Variants in COL2A1 observed in about 807,000 individuals in gnomAD.
COL2A1 encodes collagen alpha-1(II) chain.
A neutral mutation model predicts 204.5 loss-of-function variants in COL2A1; 28 were observed. That is an observed-to-expected ratio of 0.14 (90% CI 0.10 to 0.19). COL2A1 has a LOEUF of 0.19. Ranked by LOEUF, COL2A1 falls within the 10% of genes least tolerant of loss-of-function variation. COL2A1 has a pLI of 1.00. For missense variants in COL2A1, 1,388 were observed against 2,027.5 expected (o/e 0.68, Z 6.06); for synonymous variants, 708 against 718.7 (o/e 0.99, Z 0.24).
In COL2A1 at chr12:47,981,815, G is replaced by A. The variant is rs963748934; in HGVS notation, c.2370C>T (p.Pro790=). The change falls in exon 36 of 54, where the codon CCC becomes CCT. Residue 790 remains proline (P), a synonymous_variant. Transcript: ENST00000380518. ...CACCAGCTGGGCCAGGGGGGCCAAT[G>A]GGACCTGTCAGGCCCTGCGGGGAGA... The part of the protein sequence containing the change: ...GKDGGRGLTG[P]IGPPGPAGAN... 4 of 1,554,516 alleles carry A rather than the reference G, an allele frequency of 2.6e-6. No individual in the cohort carries two copies. The highest frequency in any genetic ancestry group is 3.5e-6 in the Non-Finnish European group (4 of 1,148,730).
At chr12:47,993,640 G>C in intron 14 of COL2A1, 138 bp from the exon 15 acceptor site, 1 of 1,079,810 alleles carries the variant, frequency 9.3e-7, no homozygotes, top group Non-Finnish European at 1.4e-6. Flanking sequence ...ACAATGCCCT[G>C]AGCTCTCCAG....
At chr12:47,977,065 CTGG>C (rs781501364) in intron 47 of COL2A1, 34 bp downstream of exon 47, 1 of 1,591,432 alleles carries the variant, frequency 6.3e-7, no homozygotes, top group Non-Finnish European at 8.6e-7. Context: ...CAGCCTATCC[CTGG>C]TGGGGACTCA....
intron 41 of COL2A1, 138 bp downstream of exon 41, chr12:47,979,373 T>C: frequency 6.7e-6 from 6 of 896,126 alleles, no homozygotes; most frequent in Non-Finnish European, 9.3e-6. Flanking sequence ...GTCCCCATGA[T>C]CAGTTAGCTA....
chr12:47,977,577 A>T lies in COL2A1; in HGVS notation c.3165+23T>A, dbSNP rs1240676927. 4 of 1,613,760 alleles carry T rather than the reference A, an allele frequency of 2.5e-6. No homozygotes were observed. The African/African-American group carries it at 5.3e-5, about 22-fold the overall frequency. ...GGCAATGTCCTCCCCAACCCACTGC[A>T]CACACAGACACCAGACACTCACCTT... is the stretch of plus-strand genomic sequence containing the variant. On this transcript the variant is annotated intron_variant, in intron 45 of 53. Transcript: ENST00000380518.
rs1183855969 is a variant in COL2A1 at position 47,975,411 on chromosome 12, G to T, written c.3792C>A (p.Asn1264Lys). Residue 1264 changes from asparagine (N) to lysine (K), a missense_variant, in exon 51 of 54, where the codon AAC (asparagine) becomes AAA (lysine). Physicochemically the swap from Asn to Lys is moderately conservative, Grantham distance 94. Coordinates refer to ENST00000380518, the MANE Select transcript of COL2A1 (RefSeq NM_001844.5). ...CGGGGCTGCGGATGCTCTCAATCTG[G>T]TTGTTGAGGGACTTGAGTGTGGCAT... ...EVDATLKSLN[N>K]QIESIRSPEG... is the part of the protein sequence containing the mutation. 1 of 1,614,208 alleles carries T rather than the reference G, an allele frequency of 6.2e-7. No individual in the cohort carries two copies. The highest frequency in any genetic ancestry group is 2.2e-5 in the East Asian group (1 of 44,874).
intron 22 of COL2A1, 108 bp from the exon 23 acceptor site, chr12:47,986,551 G>T (rs55971353): frequency 2.1e-5 from 16 of 775,628 alleles, no homozygotes; most frequent in Middle Eastern, 3.4e-4. Context: ...TCAGGGCTGG[G>T]GGGGGGCTTG....
chr12:47,986,072 G>GCC, intron 23 of COL2A1, 107 bp from the exon 24 acceptor site: 1 of 1,125,980 alleles, frequency 8.9e-7, no homozygotes, highest in Non-Finnish European at 1.3e-6. Flanking sequence ...CTGGGGAGCA[G>GCC]TAGCTGTGGC....
intron 34 of COL2A1, 87 bp downstream of exon 34, chr12:47,982,415 G>T: frequency 1.8e-6 from 2 of 1,128,176 alleles, no homozygotes; most frequent in Non-Finnish European, 2.7e-6. Context: ...TCATCACCAG[G>T]TGCCATAAGG....
At chr12:48,002,538 C>T (rs1320654182) in intron 1 of COL2A1, 1 of 152,226 alleles carries the variant, frequency 6.6e-6, no homozygotes, top group East Asian at 1.9e-4. Context: ...GCCGGAGAAG[C>T]TGTGGAATCA....
At position 47,980,775 on chromosome 12, in the gene COL2A1, A is replaced by C. The variant is rs1939017797; in HGVS notation, c.2518-114T>G. 2.2e-6 allele frequency: 3 copies of C among 1,389,324 alleles called. No individual in the cohort carries two copies. The highest frequency in any genetic ancestry group is 5.0e-5 in the East Asian group (2 of 40,168). 86.1% of individuals were successfully genotyped at this position (1,389,324 alleles called of 1,614,324 possible). ...GCGTGTGTGTCCTGGTCTGGACATG[A>C]TGGTTCTATTAGTATGGAGGCGGGA... On this transcript the variant is annotated intron_variant, in intron 38 of 53. Coordinates refer to ENST00000380518, the MANE Select transcript of COL2A1 (RefSeq NM_001844.5). This position sits in a 1 kb window ranked among gnomAD's most constrained non-coding sequence, Gnocchi z 4.5.
At chr12:47,998,264 C>T in intron 3 of COL2A1, 63 bp from the exon 4 acceptor site, 1 of 1,608,658 alleles carries the variant, frequency 6.2e-7, no homozygotes, top group South Asian at 1.1e-5. Flanking sequence ...AGTCTAAAAC[C>T]CTGCCAGCAG....
intron 34 of COL2A1, 132 bp from the exon 35 acceptor site, chr12:47,982,292 T>C: frequency 2.3e-6 from 2 of 883,730 alleles, no homozygotes; most frequent in Non-Finnish European, 3.8e-6. Flanking sequence ...GGTCTCAGGG[T>C]GGGTGAGGAG....
At chr12:47,989,945 G>T in intron 16 of COL2A1, 140 bp from the exon 17 acceptor site, 1 of 797,368 alleles carries the variant, frequency 1.3e-6, no homozygotes, top group Non-Finnish European at 2.2e-6. Context: ...CGAGGTGTGG[G>T]CTGCAGTTTT....
At chr12:47,992,808 C>T (rs1305244149) in intron 16 of COL2A1, 70 bp downstream of exon 16, 6 of 1,531,294 alleles carry the variant, frequency 3.9e-6, no homozygotes, top group South Asian at 1.1e-5. Flanking sequence ...TTTCGAGGGT[C>T]AAGAGAAACA....
In COL2A1 at chr12:47,973,344, G is replaced by C; in HGVS notation, c.*63C>G. ...CAGTGCAGAGTCCTAGAGTGACTGA[G>C]ATTGGAAAGTACTTGGGTCCTTTGG... On this transcript the variant is annotated 3_prime_UTR_variant, in exon 54 of 54. Transcript: ENST00000380518. 1 of 1,609,564 alleles carries C rather than the reference G, an allele frequency of 6.2e-7. No homozygotes were observed.
intron 52 of COL2A1, 98 bp downstream of exon 52, chr12:47,974,577 G>A (rs1374996045): frequency 7.0e-7 from 1 of 1,420,648 alleles, no homozygotes; most frequent in Non-Finnish European, 9.9e-7. Flanking sequence ...AAAACTGGAG[G>A]AAAATATGGG....
chr12:47,988,643 C>T (rs533322005), intron 18 of COL2A1, among the ~76,000 whole-genome samples: 1 of 152,370 alleles, frequency 6.6e-6, no homozygotes, highest in South Asian at 2.1e-4. Flanking sequence ...CATGGAGGCT[C>T]CTTATTCATT....
intron 52 of COL2A1, 38 bp downstream of exon 52, chr12:47,974,637 C>T (rs746451144): frequency 1.9e-6 from 3 of 1,601,558 alleles, no homozygotes; most frequent in Admixed American, 1.7e-5. Flanking sequence ...GTTTGAGGAG[C>T]CATCTCTGCT....
chr12:48,003,317 A>ACACACACACACG (rs1251326308), intron 1 of COL2A1, among the ~76,000 whole-genome samples: 1 of 151,328 alleles, frequency 6.6e-6, no homozygotes, highest in Admixed American at 6.6e-5. Context: ...ACACACATAC[A>ACACACACACACG]CACACACACA....
Sources: gnomAD v4.1 joint callset for allele counts (sites outside exome capture counted in the v4.1 genomes callset) on GRCh38, gnomAD v4.1.1 for gene constraint, Gnocchi (gnomAD v3.1) non-coding constraint, MANE v1.5 for transcripts, NCBI Gene and HGNC (gene_info 2026-07-23, HGNC 2026-07-21) for gene names.